The following SPACA7 variants were observed in gnomAD, a reference collection of about 807,000 sequenced individuals.
The protein encoded by SPACA7 is sperm acrosome associated 7, also known as sperm acrosome-associated protein 7.
Under a neutral mutation model 26.3 loss-of-function variants are expected in SPACA7, and 19 were observed. The ratio of observed to expected loss-of-function variants is 0.72; its 90% CI spans 0.50 to 1.06. The LOEUF (loss-of-function observed/expected upper bound fraction) is 1.06, where lower values mean the gene tolerates loss of function less well. Ranked by LOEUF, SPACA7 falls within the 50% of genes least tolerant of loss-of-function variation. The pLI is 0.00. For synonymous variants in SPACA7, 84 were observed against 84.5 expected (o/e 0.99, Z 0.04); for missense variants, 211 against 229.9 (o/e 0.92, Z 0.53).
At chr13:112,433,329 G>GT (rs1189955875) in intron 6 of SPACA7, among the ~76,000 whole-genome samples, 1 of 148,436 alleles carries the variant, frequency 6.7e-6, no homozygotes, top group Admixed American at 6.8e-5. Context: ...GCCAGACATT[G>GT]AGACCCTGTC....
intron 5 of SPACA7, among the ~76,000 whole-genome samples, chr13:112,417,316 C>T (rs1037604963): frequency 5.9e-5 from 9 of 152,026 alleles, no homozygotes; most frequent in African/African-American, 2.2e-4. Flanking sequence ...ATTATTTCCT[C>T]ATTGATGTTT....
intron 5 of SPACA7, among the ~76,000 whole-genome samples, chr13:112,421,701 A>G (rs1566485869): frequency 6.6e-6 from 1 of 152,208 alleles, no homozygotes; most frequent in African/African-American, 2.4e-5. Flanking sequence ...AAAGACATGA[A>G]ATCACCCTAA....
chr13:112,389,338 C>T (rs1238592218), intron 1 of SPACA7, among the ~76,000 whole-genome samples: 1 of 152,210 alleles, frequency 6.6e-6, no homozygotes, highest in Non-Finnish European at 1.5e-5. Flanking sequence ...CTACCATCAT[C>T]TCCAGTTATT....
At chr13:112,428,727 T>C (rs1179613425) in intron 5 of SPACA7, among the ~76,000 whole-genome samples, 1 of 152,246 alleles carries the variant, frequency 6.6e-6, no homozygotes, top group Non-Finnish European at 1.5e-5. Flanking sequence ...GCATGATTAT[T>C]GTTAAATGAA....
At chr13:112,379,089 C>A (rs1883880185) in intron 1 of SPACA7, among the ~76,000 whole-genome samples, 1 of 152,156 alleles carries the variant, frequency 6.6e-6, no homozygotes, top group Non-Finnish European at 1.5e-5. Flanking sequence ...CATTAAAAAA[C>A]CAGAAACATT....
chr13:112,383,149 G>GA (rs770069946), intron 1 of SPACA7, among the ~76,000 whole-genome samples: 25 of 97,484 alleles, frequency 2.6e-4, no homozygotes, highest in African/African-American at 1.1e-3. Context: ...AAGAAAGAAA[G>GA]AAAGAAAGAA....
At chr13:112,404,116 T>C (rs1239867316) in intron 5 of SPACA7, among the ~76,000 whole-genome samples, 1 of 152,226 alleles carries the variant, frequency 6.6e-6, no homozygotes, top group Non-Finnish European at 1.5e-5. Context: ...TTATGGCCAC[T>C]CTTGCAGGAG....
intron 3 of SPACA7, among the ~76,000 whole-genome samples, 176 bp downstream of exon 3, chr13:112,398,314 G>A (rs927421696): frequency 2.0e-5 from 3 of 151,866 alleles, no homozygotes; most frequent in East Asian, 1.9e-4. Flanking sequence ...ACAGCTTCCC[G>A]AGACAGAGGA....
intron 1 of SPACA7, among the ~76,000 whole-genome samples, chr13:112,378,912 G>T (rs1480305241): frequency 6.6e-6 from 1 of 152,150 alleles, no homozygotes; most frequent in African/African-American, 2.4e-5. Flanking sequence ...GCAAACAATT[G>T]TATGGTCCTG....
intron 5 of SPACA7, among the ~76,000 whole-genome samples, chr13:112,405,386 A>G (rs995661812): frequency 1.3e-5 from 2 of 151,836 alleles, no homozygotes. Flanking sequence ...TCTCATGTAT[A>G]GTGTTTTCAT....
intron 1 of SPACA7, among the ~76,000 whole-genome samples, chr13:112,379,282 CAG>C (rs952615202): frequency 1.3e-5 from 2 of 152,170 alleles, no homozygotes; most frequent in African/African-American, 4.8e-5. Context: ...GAGTACTTGG[CAG>C]AGTCTTACCT....
intron 4 of SPACA7, 82 bp downstream of exon 4, chr13:112,399,255 A>ATCTCC: frequency 1.3e-6 from 1 of 784,596 alleles, no homozygotes; most frequent in Non-Finnish European, 2.3e-6. Context: ...AGGCGGAAAC[A>ATCTCC]TCTCCTTCCT....
chr13:112,413,537 C>A (rs1886489998), intron 5 of SPACA7, among the ~76,000 whole-genome samples: 2 of 151,994 alleles, frequency 1.3e-5, no homozygotes, highest in Non-Finnish European at 2.9e-5. Context: ...CATTTGAGAG[C>A]TTGATTATTC....
chr13:112,382,811 T>TA (rs1412407471), intron 1 of SPACA7, among the ~76,000 whole-genome samples: 1 of 151,712 alleles, frequency 6.6e-6, no homozygotes, highest in East Asian at 1.9e-4. Flanking sequence ...AACATGGTGA[T>TA]ACCCTGTCTC....
At chr13:112,407,870 G>T (rs1454451779) in intron 5 of SPACA7, among the ~76,000 whole-genome samples, 1 of 152,144 alleles carries the variant, frequency 6.6e-6, no homozygotes, top group Non-Finnish European at 1.5e-5. Flanking sequence ...TCATTTTTAT[G>T]AGGCCAGCAT....
intron 5 of SPACA7, among the ~76,000 whole-genome samples, chr13:112,427,183 TGAG>T (rs1326406885): frequency 6.6e-6 from 1 of 152,206 alleles, no homozygotes; most frequent in Non-Finnish European, 1.5e-5. Flanking sequence ...TTTCAGTCTT[TGAG>T]GGCAATGTGG....
chr13:112,381,702 A>G (rs1260435250), intron 1 of SPACA7, among the ~76,000 whole-genome samples: 2 of 152,172 alleles, frequency 1.3e-5, no homozygotes, highest in African/African-American at 4.8e-5. Context: ...TTTTACGGAT[A>G]ACTTTGTGGG....
intron 1 of SPACA7, among the ~76,000 whole-genome samples, chr13:112,388,181 C>A (rs1350030501): frequency 2.0e-5 from 3 of 152,160 alleles, no homozygotes; most frequent in African/African-American, 7.2e-5. Flanking sequence ...AAATCAGATC[C>A]CCAACTAAGA....
intron 5 of SPACA7, 120 bp from the exon 6 acceptor site, chr13:112,432,324 G>A: frequency 1.4e-6 from 1 of 710,338 alleles, no homozygotes; most frequent in Non-Finnish European, 2.5e-6. Context: ...CACCCCGCTT[G>A]CTCTGTGCGT....
Sources: gnomAD v4.1 joint callset for allele counts (sites outside exome capture counted in the v4.1 genomes callset) on GRCh38, gnomAD v4.1.1 for gene constraint, MANE v1.5 for transcripts, NCBI Gene and HGNC (gene_info 2026-07-23, HGNC 2026-07-21) for gene names.